The following SCIN variants were observed in gnomAD, a reference collection of about 807,000 sequenced individuals.
The protein encoded by SCIN is adseverin.
In SCIN, 91 loss-of-function variants were observed where a neutral mutation model predicts 91.8. The observed-to-expected ratio is 0.99, with a 90% CI of 0.84 to 1.18. SCIN has a LOEUF of 1.18. Among genes scored for constraint, SCIN ranks in the 50% most tolerant of loss-of-function variants. The probability of loss-of-function intolerance (pLI) is 0.00; values close to 1 mark genes in which losing one functional copy is unlikely to be tolerated. For missense variants in SCIN, 1,087 were observed against 863.9 expected (o/e 1.26, Z -3.24); for synonymous variants, 367 against 312.6 (o/e 1.17, Z -1.84).
Position 12,658,065 on chromosome 7 carries a change from A to C in SCIN, c.*5350A>C, listed in dbSNP as rs552266618. Reference sequence around the variant, plus strand: ...CATTATTTCTGTGCTGATTGCAAACAATACTGAATTAAAATATCCCTGCAA... The same window carrying C: ...CATTATTTCTGTGCTGATTGCAAACCATACTGAATTAAAATATCCCTGCAA... On this transcript the variant is annotated 3_prime_UTR_variant, in exon 16 of 16. Coordinates refer to ENST00000297029, the MANE Select transcript of SCIN (RefSeq NM_001112706.3). 1 of 152,346 alleles carries C rather than the reference A, an allele frequency of 6.6e-6. No individual in the cohort carries two copies. Among genetic ancestry groups the C allele is most frequent in the Non-Finnish European group, 1.5e-5 (1 of 68,032 alleles). 9.4% of individuals were successfully genotyped at this position (152,346 alleles called of 1,614,324 possible). A position where few individuals can be genotyped will look rare whatever the true frequency, so the allele number is the denominator to read the frequency against.
At chr7:12,632,083 CATTTTATTTTATTTT>C (rs55811230) in intron 9 of SCIN, among the ~76,000 whole-genome samples, 28,942 of 120,492 alleles carry the variant, frequency 0.24, 3,778 homozygotes, top group East Asian at 0.38. Flanking sequence ...GATTGGTTTT[CATTTTATTTTATTTT>C]ATTTTATTTT....
chr7:12,573,495 T>C (rs1000413193), intron 1 of SCIN, among the ~76,000 whole-genome samples: 1 of 152,194 alleles, frequency 6.6e-6, no homozygotes. Flanking sequence ...GATTATTTTA[T>C]TGTATTAACA....
rs1343456869 is a variant in SCIN, at chr7:12,653,967, G to T, written c.*1252G>T. ...ATTTCCAATATACCATTGTATATCA[G>T]TATATACTGATACACTGAGTGGCAG... is the stretch of plus-strand genomic sequence containing the variant. On this transcript the variant is annotated 3_prime_UTR_variant, in exon 16 of 16. Transcript: ENST00000297029. This position sits in a 1 kb window ranked among gnomAD's most constrained non-coding sequence, Gnocchi z 4.1. 6.6e-6 allele frequency: 1 copy of T among 151,320 alleles called. No homozygotes were observed. The highest frequency in any genetic ancestry group is 1.5e-5 in the Non-Finnish European group (1 of 67,894). 9.4% of individuals were successfully genotyped at this position (151,320 alleles called of 1,614,324 possible). A position where few individuals can be genotyped will look rare whatever the true frequency, so the allele number is the denominator to read the frequency against.
At chr7:12,587,388 G>T (rs531157742) in intron 3 of SCIN, among the ~76,000 whole-genome samples, 1 of 152,174 alleles carries the variant, frequency 6.6e-6, no homozygotes, top group Non-Finnish European at 1.5e-5. Context: ...AGTCTGGTTT[G>T]TACTCATCAG....
At chr7:12,588,822 T>TG (rs1782650101) in intron 3 of SCIN, 1 of 4,486 alleles carries the variant, frequency 2.2e-4, no homozygotes, top group Non-Finnish European at 6.3e-4. Flanking sequence ...GGGGGGGGGG[T>TG]GCGGGGGCGG....
chr7:12,639,866 G>A (rs369834350), intron 10 of SCIN, among the ~76,000 whole-genome samples: 3 of 152,084 alleles, frequency 2.0e-5, no homozygotes, highest in South Asian at 2.1e-4. Context: ...GTATGATTTG[G>A]GGTCATCTTA....
In SCIN at chr7:12,629,123, G is replaced by A. The variant is rs1783590834; in HGVS notation, c.1220G>A (p.Gly407Asp). The A allele has an allele frequency of 6.2e-7, 1 of 1,612,486 alleles. No homozygotes were observed. The highest frequency in any genetic ancestry group is 8.5e-7 in the Non-Finnish European group (1 of 1,179,146). The change falls in exon 9 of 16, where the codon GGT becomes GAT. Residue 407 changes from glycine to aspartate, a missense_variant. By Grantham distance (94) the Gly-to-Asp change is moderately conservative. Transcript: ENST00000297029. ...KVEIWRVENN[G>D]RIQVDQNSYG... The stretch of plus-strand genomic sequence containing the variant: ...CAGATTTGGCGTGTAGAAAACAATG[G>A]TAGGATCCAAGTTGACCAAAACTCA...
Position 12,629,097 on chromosome 7 carries a change from C to T in SCIN, c.1198-4C>T. 6.2e-7 allele frequency: 1 copy of T among 1,608,836 alleles called. No individual in the cohort carries two copies. Among genetic ancestry groups the T allele is most frequent in the South Asian group, 1.1e-5 (1 of 90,052 alleles). On this transcript the variant is annotated splice_polypyrimidine_tract_variant and splice_region_variant and intron_variant, in intron 8 of 15. Coordinates refer to ENST00000297029, the MANE Select transcript of SCIN (RefSeq NM_001112706.3). ...ATTTGTTGTATATATTCCATTCCTT[C>T]CAGATTTGGCGTGTAGAAAACAATG...
At chr7:12,572,121 TTGAGTAGTGAC>T (rs1348658412) in intron 1 of SCIN, among the ~76,000 whole-genome samples, 1 of 152,162 alleles carries the variant, frequency 6.6e-6, no homozygotes, top group African/African-American at 2.4e-5. Flanking sequence ...ATAGAAAACA[TTGAGTAGTGAC>T]TGTCTAAACA....
intron 4 of SCIN, among the ~76,000 whole-genome samples, chr7:12,614,549 G>A (rs77182158): frequency 0.085 from 12,898 of 152,168 alleles, 785 homozygotes; most frequent in African/African-American, 0.17. Flanking sequence ...GATCCTGAAA[G>A]CATCAAGTAG....
At chr7:12,627,159 T>TATATTTATAA (rs1051395604) in intron 8 of SCIN, among the ~76,000 whole-genome samples, 10 of 152,082 alleles carry the variant, frequency 6.6e-5, no homozygotes, top group African/African-American at 9.7e-5. Flanking sequence ...TATATACATA[T>TATATTTATAA]ATATTTATAA....
At chr7:12,638,091 C>CTT (rs1214248566) in intron 10 of SCIN, among the ~76,000 whole-genome samples, 2 of 152,132 alleles carry the variant, frequency 1.3e-5, no homozygotes, top group East Asian at 3.9e-4. Context: ...TTTCAGGACG[C>CTT]TTATTAGTTA....
chr7:12,605,404 G>A (rs903305917), intron 4 of SCIN, among the ~76,000 whole-genome samples: 3 of 152,102 alleles, frequency 2.0e-5, no homozygotes, highest in Non-Finnish European at 4.4e-5. Flanking sequence ...ATTAACAGTT[G>A]CAGGTTGAGT....
At chr7:12,626,887 C>A in intron 8 of SCIN, 88 bp downstream of exon 8, 2 of 1,166,642 alleles carry the variant, frequency 1.7e-6, no homozygotes, top group South Asian at 1.5e-5. Flanking sequence ...GACAGGAGTT[C>A]GAGATCAGCC....
At chr7:12,646,937 G>C (rs192511170) in intron 13 of SCIN, among the ~76,000 whole-genome samples, 1 of 152,242 alleles carries the variant, frequency 6.6e-6, no homozygotes, top group East Asian at 1.9e-4. Flanking sequence ...ACCACAATTT[G>C]CTCACCTACT....
At chr7:12,578,759 A>T (rs1329164749) in intron 2 of SCIN, among the ~76,000 whole-genome samples, 4 of 152,072 alleles carry the variant, frequency 2.6e-5, no homozygotes, top group African/African-American at 9.7e-5. Flanking sequence ...TTTTGAGCTT[A>T]AAATTCTGCA....
chr7:12,607,947 A>G (rs1032858277), intron 4 of SCIN, among the ~76,000 whole-genome samples: 2 of 152,198 alleles, frequency 1.3e-5, no homozygotes, highest in Non-Finnish European at 2.9e-5. Context: ...CTTAACTGAA[A>G]TACGGCCTTT....
At chr7:12,594,070 C>T (rs936351321) in intron 3 of SCIN, among the ~76,000 whole-genome samples, 5 of 152,162 alleles carry the variant, frequency 3.3e-5, no homozygotes, top group Admixed American at 1.3e-4. Context: ...CCTCAACTCC[C>T]GCTACTTCCC....
At chr7:12,624,714 T>C (rs907574393) in intron 5 of SCIN, among the ~76,000 whole-genome samples, 4 of 152,218 alleles carry the variant, frequency 2.6e-5, no homozygotes, top group African/African-American at 9.6e-5. Flanking sequence ...CACTATTCTT[T>C]TCTGATGTTT....
Sources: gnomAD v4.1 joint callset for allele counts (sites outside exome capture counted in the v4.1 genomes callset) on GRCh38, gnomAD v4.1.1 for gene constraint, Gnocchi (gnomAD v3.1) non-coding constraint, MANE v1.5 for transcripts, NCBI Gene and HGNC (gene_info 2026-07-23, HGNC 2026-07-21) for gene names.